The following ELOVL5 variants were observed in gnomAD, a reference collection of about 807,000 sequenced individuals.
The protein encoded by ELOVL5 is very long chain fatty acid elongase 5.
In ELOVL5, 8 loss-of-function variants were observed where a neutral mutation model predicts 38.6. The observed-to-expected ratio is 0.21, with a 90% confidence interval of 0.12 to 0.37. The LOEUF (loss-of-function observed/expected upper bound fraction) is 0.37. Ranked by LOEUF, ELOVL5 falls within the 10% of genes least tolerant of loss-of-function variation. The probability of loss-of-function intolerance (pLI) is 1.00; values close to 1 mark genes in which losing one functional copy is unlikely to be tolerated. For missense variants in ELOVL5, 280 were observed against 367.8 expected (o/e 0.76, Z 1.95); for synonymous variants, 127 against 133.7 (o/e 0.95, Z 0.34).
chr6:53,298,556 CT>C (rs1767112839), intron 1 of ELOVL5, among the ~76,000 whole-genome samples: 1 of 152,156 alleles, frequency 6.6e-6, no homozygotes, highest in South Asian at 2.1e-4. Context: ...ACCAAAGTAA[CT>C]GCCTTTAAGA....
chr6:53,284,538 A>G (rs1250679407), intron 3 of ELOVL5, among the ~76,000 whole-genome samples: 12 of 152,246 alleles, frequency 7.9e-5, no homozygotes, highest in African/African-American at 2.9e-4. Flanking sequence ...CAAAAATTCT[A>G]CAAAGCAGTA....
At chr6:53,274,715 G>A (rs1766047276) in intron 5 of ELOVL5, among the ~76,000 whole-genome samples, 2 of 152,194 alleles carry the variant, frequency 1.3e-5, no homozygotes, top group South Asian at 4.1e-4. Context: ...ATTTCAAAAT[G>A]AGCCTTGCTC....
At chr6:53,310,259 C>T (rs955237358) in intron 1 of ELOVL5, among the ~76,000 whole-genome samples, 5 of 152,176 alleles carry the variant, frequency 3.3e-5, no homozygotes, top group Non-Finnish European at 7.3e-5. Context: ...TTGTTACTAG[C>T]CTGAGACAAG....
chr6:53,344,191 C>A (rs555758984), intron 1 of ELOVL5, among the ~76,000 whole-genome samples: 2 of 152,332 alleles, frequency 1.3e-5, no homozygotes, highest in South Asian at 4.1e-4. Flanking sequence ...AACAGCTAGT[C>A]TGGATATCTA....
At chr6:53,273,090 G>A (rs983314742) in intron 6 of ELOVL5, 130 bp downstream of exon 6, 1 of 1,012,122 alleles carries the variant, frequency 9.9e-7, no homozygotes, top group Non-Finnish European at 1.4e-6. Flanking sequence ...CCACTTCAAG[G>A]AATTTAATTA....
At chr6:53,345,412 T>G (rs1187461805) in intron 1 of ELOVL5, among the ~76,000 whole-genome samples, 1 of 152,200 alleles carries the variant, frequency 6.6e-6, no homozygotes, top group East Asian at 1.9e-4. Flanking sequence ...GCCATAAAGC[T>G]TTCTCAGATA....
chr6:53,278,081 C>T (rs1042520521), intron 3 of ELOVL5, among the ~76,000 whole-genome samples: 15 of 152,200 alleles, frequency 9.9e-5, no homozygotes, highest in African/African-American at 3.1e-4. Context: ...AAATTAAAAA[C>T]GTACTAACAT....
chr6:53,337,595 A>G (rs1769129536), intron 1 of ELOVL5, among the ~76,000 whole-genome samples: 1 of 152,196 alleles, frequency 6.6e-6, no homozygotes, highest in South Asian at 2.1e-4. Flanking sequence ...AGCACATATT[A>G]TAGGACTGGT....
chr6:53,346,621 C>T (rs1417614683), intron 1 of ELOVL5, among the ~76,000 whole-genome samples: 1 of 152,018 alleles, frequency 6.6e-6, no homozygotes, highest in Non-Finnish European at 1.5e-5. Flanking sequence ...ATTACAAAAT[C>T]TTTTAGGAGA....
rs1765992093 is a variant in ELOVL5, at chr6:53,273,307, G to A, written c.534C>T (p.Val178=). 1 of 1,613,702 alleles carries A rather than the reference G, an allele frequency of 6.2e-7. No individual in the cohort carries two copies. The highest frequency in any genetic ancestry group is 8.5e-7 in the Non-Finnish European group (1 of 1,179,692). The change falls in exon 6 of 8, where the codon GTC becomes GTT. Residue 178 remains valine, a synonymous_variant. Coordinates refer to ENST00000304434, the MANE Select transcript of ELOVL5 (RefSeq NM_021814.5). ...FGATLNSFIH[V]LMYSYYGLSS... ...ACAAACCATAGTAAGAGTACATGAGGACGTGGATGAAGCTATTAAGTGTGG... is the reference window on the plus strand; with the variant it reads ...ACAAACCATAGTAAGAGTACATGAGAACGTGGATGAAGCTATTAAGTGTGG...
chr6:53,328,353 A>G (rs1768639400), intron 1 of ELOVL5, among the ~76,000 whole-genome samples: 1 of 152,228 alleles, frequency 6.6e-6, no homozygotes, highest in Admixed American at 6.5e-5. Context: ...CAGTAGCTCA[A>G]CTGTACTGGT....
At chr6:53,304,674 T>C (rs9395852) in intron 1 of ELOVL5, among the ~76,000 whole-genome samples, 132 of 151,218 alleles carry the variant, frequency 8.7e-4, no homozygotes, top group African/African-American at 3.2e-3. Flanking sequence ...AAAGCACATC[T>C]TGCACCGCCC....
At chr6:53,306,401 G>T (rs1485931039) in intron 1 of ELOVL5, among the ~76,000 whole-genome samples, 1 of 140,982 alleles carries the variant, frequency 7.1e-6, no homozygotes, top group Non-Finnish European at 1.5e-5. Flanking sequence ...AGGGGAGAGG[G>T]GCAAACACAC....
At chr6:53,294,307 T>C (rs2127575276) in intron 2 of ELOVL5, 1 of 1,571,152 alleles carries the variant, frequency 6.4e-7, no homozygotes, top group Non-Finnish European at 8.6e-7. Context: ...GTGAAGCAAT[T>C]GTGGCCAGTG....
At chr6:53,306,179 G>C (rs978969984) in intron 1 of ELOVL5, among the ~76,000 whole-genome samples, 2 of 143,198 alleles carry the variant, frequency 1.4e-5, no homozygotes, top group Non-Finnish European at 3.1e-5. Flanking sequence ...GGCTCGGCAT[G>C]AGAGGGAGAC....
At chr6:53,337,197 C>T (rs1343056065) in intron 1 of ELOVL5, 1 of 152,374 alleles carries the variant, frequency 6.6e-6, no homozygotes, top group African/African-American at 2.4e-5. Flanking sequence ...TGTCCAGAAG[C>T]AGACCTAATT....
chr6:53,302,276 A>G (rs1267496697), intron 1 of ELOVL5, among the ~76,000 whole-genome samples: 1 of 152,244 alleles, frequency 6.6e-6, no homozygotes, highest in African/African-American at 2.4e-5. Context: ...GGTTAAGTCA[A>G]CATCAGTGCT....
In ELOVL5 at chr6:53,268,679, A is replaced by G. The variant is rs1765817943; in HGVS notation, c.*448T>C. 1 of 152,972 alleles carries G rather than the reference A, an allele frequency of 6.5e-6. No homozygotes were observed. Among genetic ancestry groups the G allele is most frequent in the Non-Finnish European group, 1.5e-5 (1 of 68,310 alleles). 9.5% of individuals were successfully genotyped at this position (152,972 alleles called of 1,614,324 possible). ...CTTGAAACATACCCTAATTTAAACTAATAAGCTTTGGGCCCTGCTTTTTAA... is the reference window on the plus strand; with the variant it reads ...CTTGAAACATACCCTAATTTAAACTGATAAGCTTTGGGCCCTGCTTTTTAA... On this transcript the variant is annotated 3_prime_UTR_variant, in exon 8 of 8. Transcript: ENST00000304434.
chr6:53,329,718 G>A (rs1768705525), intron 1 of ELOVL5, among the ~76,000 whole-genome samples: 1 of 152,152 alleles, frequency 6.6e-6, no homozygotes, highest in African/African-American at 2.4e-5. Context: ...CAGCTACTTG[G>A]GAGGCTGAGG....
Sources: gnomAD v4.1 joint callset for allele counts (sites outside exome capture counted in the v4.1 genomes callset) on GRCh38, gnomAD v4.1.1 for gene constraint, MANE v1.5 for transcripts, NCBI Gene and HGNC (gene_info 2026-07-23, HGNC 2026-07-21) for gene names.